The following CFAP95 variants were observed in gnomAD, a reference collection of about 807,000 sequenced individuals.
CFAP95 encodes cilia and flagella associated protein 95.
chr9:69,833,757 A>G, the CFAP95 span, among the ~76,000 whole-genome samples: 1 of 152,178 alleles, frequency 6.6e-6, no homozygotes, highest in Admixed American at 6.5e-5. Context: ...TAATTGTTTC[A>G]TTTCCTTTGC....
the CFAP95 span, among the ~76,000 whole-genome samples, chr9:69,841,962 T>G: frequency 6.6e-6 from 1 of 152,180 alleles, no homozygotes; most frequent in Non-Finnish European, 1.5e-5. Context: ...TGTGGGGACA[T>G]AGCCAAACCA....
chr9:69,888,097 A>G, the CFAP95 span, among the ~76,000 whole-genome samples: 2 of 152,232 alleles, frequency 1.3e-5, no homozygotes, highest in African/African-American at 4.8e-5. Context: ...TAAACTAACT[A>G]TAAACCAAAT....
chr9:69,864,912 T>A, the CFAP95 span, among the ~76,000 whole-genome samples: 1 of 152,180 alleles, frequency 6.6e-6, no homozygotes, highest in African/African-American at 2.4e-5. Flanking sequence ...TGAACATTTC[T>A]CCAGAAGAAA....
At chr9:69,889,019 T>C in the CFAP95 span, among the ~76,000 whole-genome samples, 1 of 152,192 alleles carries the variant, frequency 6.6e-6, no homozygotes, top group Non-Finnish European at 1.5e-5. Context: ...ACTTGGAAAG[T>C]ACCTAAATAT....
At chr9:69,850,889 G>C in the CFAP95 span, among the ~76,000 whole-genome samples, 1 of 152,134 alleles carries the variant, frequency 6.6e-6, no homozygotes, top group Non-Finnish European at 1.5e-5. Context: ...GCTTTCCTGT[G>C]TTAGGAATTC....
At chr9:69,903,612 T>G in the CFAP95 span, among the ~76,000 whole-genome samples, 1 of 152,140 alleles carries the variant, frequency 6.6e-6, no homozygotes, top group Non-Finnish European at 1.5e-5. Context: ...ACAATTTTAA[T>G]TTTTTAGAGC....
At chr9:69,854,914 G>A in the CFAP95 span, among the ~76,000 whole-genome samples, 2 of 152,230 alleles carry the variant, frequency 1.3e-5, no homozygotes, top group Non-Finnish European at 2.9e-5. Flanking sequence ...CACTAGAGCT[G>A]TAGGTTGTTC....
the CFAP95 span, among the ~76,000 whole-genome samples, chr9:69,889,412 G>A: frequency 6.6e-6 from 1 of 152,134 alleles, no homozygotes. Flanking sequence ...CTAAAGAACT[G>A]GTCTTTGAGA....
chr9:69,859,280 T>A, the CFAP95 span, among the ~76,000 whole-genome samples: 1 of 152,176 alleles, frequency 6.6e-6, no homozygotes, highest in Non-Finnish European at 1.5e-5. Flanking sequence ...CTTTCCTCTC[T>A]GTTTCTTCAA....
the CFAP95 span, among the ~76,000 whole-genome samples, chr9:69,904,081 C>T: frequency 2.2e-4 from 33 of 152,212 alleles, 1 homozygote; most frequent in East Asian, 5.8e-3. Context: ...ATAACACTCA[C>T]CCTTTTAAAG....
chr9:69,830,942 G>A, the CFAP95 span, among the ~76,000 whole-genome samples: 1 of 152,238 alleles, frequency 6.6e-6, no homozygotes, highest in East Asian at 1.9e-4. Context: ...TTACAGATGT[G>A]TGCCATTGCA....
At chr9:69,853,525 T>C in the CFAP95 span, among the ~76,000 whole-genome samples, 8 of 152,218 alleles carry the variant, frequency 5.3e-5, no homozygotes, top group Non-Finnish European at 1.2e-4. Context: ...AATTTAGCTA[T>C]CTCACATACC....
chr9:69,844,587 A>C, the CFAP95 span: 1 of 1,613,348 alleles, frequency 6.2e-7, no homozygotes, highest in South Asian at 1.1e-5. Flanking sequence ...AAAACTGTGT[A>C]ATTCAACATA....
chr9:69,905,949 C>A, the CFAP95 span: 1 of 1,562,278 alleles, frequency 6.4e-7, no homozygotes, highest in Admixed American at 2.0e-5. Context: ...TTTTTTCCCC[C>A]ATAGGCTTAT....
the CFAP95 span, among the ~76,000 whole-genome samples, chr9:69,869,067 C>T: frequency 3.2e-3 from 483 of 152,122 alleles, 5 homozygotes; most frequent in African/African-American, 0.011. Flanking sequence ...ATGGTACAGA[C>T]ATTATGGAAA....
chr9:69,837,145 G>T, the CFAP95 span, among the ~76,000 whole-genome samples: 1 of 152,028 alleles, frequency 6.6e-6, no homozygotes, highest in Admixed American at 6.5e-5. Flanking sequence ...GGACATTCGG[G>T]TTGGTTCCAA....
At chr9:69,845,382 G>A in the CFAP95 span, among the ~76,000 whole-genome samples, 1 of 152,136 alleles carries the variant, frequency 6.6e-6, no homozygotes, top group African/African-American at 2.4e-5. Flanking sequence ...GGGGCATGAA[G>A]AGCTGGTGAT....
chr9:69,899,457 A>G, the CFAP95 span, among the ~76,000 whole-genome samples: 3 of 152,342 alleles, frequency 2.0e-5, no homozygotes, highest in Admixed American at 1.3e-4. Flanking sequence ...TCTGCTTTCT[A>G]TAGAAAGTGT....
the CFAP95 span, among the ~76,000 whole-genome samples, chr9:69,849,128 G>A: frequency 1.3e-5 from 2 of 152,086 alleles, no homozygotes; most frequent in Non-Finnish European, 2.9e-5. Context: ...TACATTGCTG[G>A]ACATATTTTA....
Sources: allele counts gnomAD v4.1 joint callset (sites outside exome capture counted in the v4.1 genomes callset), GRCh38; gene constraint gnomAD v4.1.1; transcripts MANE v1.5; gene names NCBI Gene and HGNC (gene_info 2026-07-23, HGNC 2026-07-21).